Variants in SPOPL observed in about 807,000 individuals in gnomAD.
The protein encoded by SPOPL is speckle type BTB/POZ protein like.
Under a neutral mutation model 53.8 loss-of-function variants are expected in SPOPL, and 23 were observed. The ratio of observed to expected loss-of-function variants is 0.43; its 90% CI spans 0.31 to 0.61. The LOEUF (loss-of-function observed/expected upper bound fraction) is 0.61, where lower values mean the gene tolerates loss of function less well. SPOPL is among the 20% of genes least tolerant of loss of function. The pLI is 0.12. For missense variants in SPOPL, 442 were observed against 466.9 expected (o/e 0.95, Z 0.49); for synonymous variants, 164 against 149.7 (o/e 1.10, Z -0.70).
intron 1 of SPOPL, among the ~76,000 whole-genome samples, chr2:138,522,226 T>G (rs1684574695): frequency 6.6e-6 from 1 of 152,150 alleles, no homozygotes; most frequent in Non-Finnish European, 1.5e-5. Context: ...GATTGTTGCT[T>G]TAGGACCACA....
chr2:138,541,620 T>C (rs1163154967), intron 1 of SPOPL, among the ~76,000 whole-genome samples: 9 of 152,132 alleles, frequency 5.9e-5, no homozygotes, highest in Non-Finnish European at 8.8e-5. Context: ...GTCTATTTGA[T>C]TCTTCTCTCT....
At chr2:138,558,781 A>G (rs1258473477) in intron 5 of SPOPL, among the ~76,000 whole-genome samples, 1 of 152,160 alleles carries the variant, frequency 6.6e-6, no homozygotes, top group Non-Finnish European at 1.5e-5. Context: ...CAAGCATTCT[A>G]ACCAATTGAT....
chr2:138,528,134 T>C (rs1271930908), intron 1 of SPOPL, among the ~76,000 whole-genome samples: 1 of 152,182 alleles, frequency 6.6e-6, no homozygotes, highest in Non-Finnish European at 1.5e-5. Flanking sequence ...CAGACAGGTG[T>C]CCCTCTTCCT....
At chr2:138,567,803 C>A (rs1009465835) in intron 10 of SPOPL, among the ~76,000 whole-genome samples, 3 of 152,032 alleles carry the variant, frequency 2.0e-5, no homozygotes, top group Non-Finnish European at 2.9e-5. Context: ...AAGGGAGAAT[C>A]TAATATTTGG....
chr2:138,534,354 A>C (rs1250916585), intron 1 of SPOPL, among the ~76,000 whole-genome samples: 1 of 152,216 alleles, frequency 6.6e-6, no homozygotes, highest in Non-Finnish European at 1.5e-5. Context: ...CATAGCATTT[A>C]CATTGTATTA....
chr2:138,557,861 T>A (rs1167363364), intron 5 of SPOPL, among the ~76,000 whole-genome samples: 1 of 152,154 alleles, frequency 6.6e-6, no homozygotes, highest in Non-Finnish European at 1.5e-5. Context: ...ATCCATTTTT[T>A]AAAAAAGTGG....
At chr2:138,516,844 G>T (rs1039560713) in intron 1 of SPOPL, among the ~76,000 whole-genome samples, 1 of 152,204 alleles carries the variant, frequency 6.6e-6, no homozygotes, top group Admixed American at 6.5e-5. Flanking sequence ...TGTAAGAAAA[G>T]AATATTATTT....
chr2:138,540,921 A>G (rs956660023), intron 1 of SPOPL, among the ~76,000 whole-genome samples: 3 of 152,190 alleles, frequency 2.0e-5, no homozygotes, highest in African/African-American at 4.8e-5. Flanking sequence ...CTTCCCATCA[A>G]TACCTAATTT....
At chr2:138,562,226 A>G (rs1480673593) in intron 8 of SPOPL, among the ~76,000 whole-genome samples, 1 of 151,338 alleles carries the variant, frequency 6.6e-6, no homozygotes, top group Admixed American at 6.6e-5. Context: ...AACTTTGGGG[A>G]AAAAAAGAAT....
intron 1 of SPOPL, among the ~76,000 whole-genome samples, chr2:138,543,418 G>A (rs1685118889): frequency 6.6e-6 from 1 of 152,138 alleles, no homozygotes; most frequent in South Asian, 2.1e-4. Flanking sequence ...ATATTTCTTG[G>A]AGGCTTTGTT....
intron 1 of SPOPL, among the ~76,000 whole-genome samples, chr2:138,523,150 G>T (rs1684592879): frequency 6.6e-6 from 1 of 152,152 alleles, no homozygotes; most frequent in Admixed American, 6.5e-5. Context: ...GGTTTAGTTG[G>T]ACTTACAGTT....
Position 138,523,351 on chromosome 2 carries a change from A to G in SPOPL, c.-61+21232A>G, listed in dbSNP as rs577475310. On this transcript the variant is annotated intron_variant, in intron 1 of 10. Transcript: ENST00000280098. ...AGTCATCTCCCACCAGGTCCCTGCCACAACACATGGGAATTATGGGAGCTA... is the reference window on the plus strand; with the variant it reads ...AGTCATCTCCCACCAGGTCCCTGCCGCAACACATGGGAATTATGGGAGCTA... 3.2e-4 allele frequency among the ~76,000 whole-genome samples: 49 copies of G among 152,322 alleles called. No individual in the cohort carries two copies. The South Asian group carries it at 7.0e-3, about 22-fold the overall frequency.
chr2:138,530,360 C>T (rs1284285697), intron 1 of SPOPL, among the ~76,000 whole-genome samples: 2 of 152,100 alleles, frequency 1.3e-5, no homozygotes, highest in African/African-American at 4.8e-5. Flanking sequence ...AATGGGATTG[C>T]TGGGTCGAAT....
chr2:138,526,885 C>G lies in SPOPL; in HGVS notation c.-60-23272C>G, dbSNP rs181868207. 5.9e-5 allele frequency among the ~76,000 whole-genome samples: 9 copies of G among 152,166 alleles called. No homozygotes were observed. In the East Asian group the frequency reaches 1.4e-3, roughly 23 times the overall value. ...GGGACTACAGCACCTGCCACCACAC[C>G]CGGCTAATTTTTGTGTTTTTAGTAG... On this transcript the variant is annotated intron_variant, in intron 1 of 10. Transcript: ENST00000280098.
At chr2:138,556,773 AT>A (rs1370326230) in intron 5 of SPOPL, among the ~76,000 whole-genome samples, 1 of 152,166 alleles carries the variant, frequency 6.6e-6, no homozygotes, top group African/African-American at 2.4e-5. Context: ...ATCTCCTAAG[AT>A]TGTTGTAATA....
At chr2:138,525,528 G>C (rs80300561) in intron 1 of SPOPL, among the ~76,000 whole-genome samples, 1,654 of 151,960 alleles carry the variant, frequency 0.011, 33 homozygotes, top group African/African-American at 0.038. Flanking sequence ...TTTAAAAATA[G>C]AAGTTGTGGC....
chr2:138,557,546 A>G (rs978819621), intron 5 of SPOPL, among the ~76,000 whole-genome samples: 5 of 152,170 alleles, frequency 3.3e-5, no homozygotes, highest in African/African-American at 1.2e-4. Flanking sequence ...AAATTTATTT[A>G]TTTATGATTC....
intron 1 of SPOPL, among the ~76,000 whole-genome samples, chr2:138,549,552 AATT>A (rs1464315024): frequency 6.6e-6 from 1 of 152,262 alleles, no homozygotes; most frequent in East Asian, 1.9e-4. Flanking sequence ...CCTGGGAGGA[AATT>A]TTATGACATA....
intron 8 of SPOPL, among the ~76,000 whole-genome samples, chr2:138,561,387 A>C (rs1369409613): frequency 6.6e-6 from 1 of 152,200 alleles, no homozygotes; most frequent in East Asian, 1.9e-4. Context: ...ACTTTTTTGT[A>C]ATGATGATTT....
Sources: gnomAD v4.1 joint callset for allele counts (sites outside exome capture counted in the v4.1 genomes callset) on GRCh38, gnomAD v4.1.1 for gene constraint, MANE v1.5 for transcripts, NCBI Gene and HGNC (gene_info 2026-07-23, HGNC 2026-07-21) for gene names.